HEXA: variants seen among roughly 807,000 people sequenced by gnomAD.
The protein encoded by HEXA is hexosaminidase subunit alpha.
Under a neutral mutation model 73.3 loss-of-function variants are expected in HEXA, and 54 were observed. That is an observed-to-expected ratio of 0.74 (90% CI 0.59 to 0.92). The LOEUF (loss-of-function observed/expected upper bound fraction) is 0.92. Ranked by LOEUF, HEXA falls within the 40% of genes least tolerant of loss-of-function variation. HEXA has a pLI of 0.00. For missense variants in HEXA, 649 were observed against 653.0 expected (o/e 0.99, Z 0.07); for synonymous variants, 230 against 246.9 (o/e 0.93, Z 0.64).
At chr15:72,366,373 A>G (rs953133407) in intron 1 of HEXA, among the ~76,000 whole-genome samples, 1 of 149,216 alleles carries the variant, frequency 6.7e-6, no homozygotes, top group Non-Finnish European at 1.5e-5. Context: ...CAGTGGCGCG[A>G]TCTCAGCTCA....
intron 1 of HEXA, among the ~76,000 whole-genome samples, chr15:72,363,652 C>G (rs1595808436): frequency 6.6e-6 from 1 of 152,196 alleles, no homozygotes; most frequent in African/African-American, 2.4e-5. Flanking sequence ...CCTCCACAGA[C>G]TATTAATACC....
chr15:72,346,547 A>G lies in HEXA; in HGVS notation c.1310T>C (p.Val437Ala), dbSNP rs1035014194. ...TTCACCTTCAAATGCCAGGGGTTCC[A>G]CTATGTAGAAATCCTTCCAGTCAGG... Reference protein sequence around the residue: ...YGPDWKDFYIVEPLAFEGTPE... With the variant: ...YGPDWKDFYIAEPLAFEGTPE... Residue 437 changes from valine to alanine, a missense_variant, in exon 11 of 14, where the codon GTG becomes GCG. By Grantham distance (64) the Val-to-Ala change is moderately conservative. Transcript: ENST00000268097. The G allele has an allele frequency of 1.9e-6, 3 of 1,613,994 alleles. No homozygotes were observed. The highest frequency in any genetic ancestry group is 2.5e-6 in the Non-Finnish European group (3 of 1,179,906).
At chr15:72,349,003 C>T in intron 8 of HEXA, 76 bp downstream of exon 8, 2 of 1,205,114 alleles carry the variant, frequency 1.7e-6, no homozygotes, top group Non-Finnish European at 2.5e-6. Flanking sequence ...CTGAGCTAAG[C>T]AGCCCCTCGG....
chr15:72,366,633 C>A (rs1402979410), intron 1 of HEXA, among the ~76,000 whole-genome samples: 1 of 151,852 alleles, frequency 6.6e-6, no homozygotes, highest in Non-Finnish European at 1.5e-5. Flanking sequence ...TACTTTGGAT[C>A]CTGTTGCCCA....
In HEXA at chr15:72,345,118, T is replaced by TC. The variant is rs528390276; in HGVS notation, c.1526+327dup. 1,347 of 364,074 alleles carry TC rather than the reference T, an allele frequency of 3.7e-3. 10 individuals carry two copies. The highest frequency in any genetic ancestry group is 0.026 in the African/African-American group (1,246 of 47,518). The allele number at this position is 364,074 out of a possible 1,614,324, so 22.6% of individuals were successfully genotyped here. A position where few individuals can be genotyped will look rare whatever the true frequency, so the allele number is the denominator to read the frequency against. ...ATACCAAAATCCAAGGATGCTCAAGTCCCTTATATAAAAATGACATAGTAT... is the reference window on the plus strand; with the variant it reads ...ATACCAAAATCCAAGGATGCTCAAGTCCCCTTATATAAAAATGACATAGTAT... On this transcript the variant is annotated intron_variant, in intron 13 of 13. Transcript: ENST00000268097.
At position 72,345,545 on chromosome 15, in the gene HEXA, C is replaced by G; in HGVS notation, c.1427G>C (p.Arg476Thr). ...NTNLVPRLWP[R>T]AGAVAERLWS... The stretch of plus-strand genomic sequence containing the variant: ...CAGCCTTTCGGCAACAGCCCCTGCT[C>G]TGGGCCTGGAGGAAAAGGGGCATGT... The change falls in exon 13 of 14, where the codon AGA becomes ACA. Residue 476 changes from arginine to threonine, a missense_variant. By Grantham distance (71) the Arg-to-Thr change is moderately conservative (BLOSUM62 -1). Transcript: ENST00000268097. 6.2e-7 allele frequency: 1 copy of G among 1,614,238 alleles called. No individual in the cohort carries two copies. The highest frequency in any genetic ancestry group is 8.5e-7 in the Non-Finnish European group (1 of 1,180,046).
At chr15:72,350,961 C>T (rs934856296) in intron 6 of HEXA, 172 bp downstream of exon 6, 10 of 667,574 alleles carry the variant, frequency 1.5e-5, no homozygotes, top group African/African-American at 7.2e-5. Flanking sequence ...GGCAAATTAT[C>T]GGCAAAGTTT....
chr15:72,355,244 G>T, intron 3 of HEXA: 1 of 381,024 alleles, frequency 2.6e-6, no homozygotes, highest in East Asian at 6.0e-5. Context: ...AAAGCTTCCT[G>T]GCTGGGCGCG....
At position 72,351,132 on chromosome 15, in the gene HEXA, C is replaced by T. The variant is rs387906311; in HGVS notation, c.672+1G>A. ...TTGGTCTGAGTGAAACGGGAACATA[C>T]CTTTCTCATGAGCTCTGGAAAAGTG... is the stretch of plus-strand genomic sequence containing the variant. On this transcript the variant is annotated splice_donor_variant, in intron 6 of 13. Transcript: ENST00000268097. LOFTEE classifies it high-confidence loss of function. 4.4e-6 allele frequency: 7 copies of T among 1,586,148 alleles called. No individual in the cohort carries two copies. The highest frequency in any genetic ancestry group is 5.2e-6 in the Non-Finnish European group (6 of 1,154,454).
At chr15:72,350,405 AAC>A in intron 7 of HEXA, 111 bp downstream of exon 7, 1 of 1,154,030 alleles carries the variant, frequency 8.7e-7, no homozygotes, top group African/African-American at 1.5e-5. Flanking sequence ...GTCGATGGAA[AAC>A]ATTCTTCTAA....
At chr15:72,355,998 G>A (rs541663556) in intron 2 of HEXA, 16 of 467,160 alleles carry the variant, frequency 3.4e-5, no homozygotes, top group East Asian at 1.3e-4. Flanking sequence ...AGTGCAGCAC[G>A]CGATGCTCCC....
chr15:72,353,418 C>T (rs1328804840), intron 4 of HEXA, among the ~76,000 whole-genome samples: 1 of 152,146 alleles, frequency 6.6e-6, no homozygotes, highest in East Asian at 1.9e-4. Flanking sequence ...CCTACAAATT[C>T]TGGATTTTCC....
chr15:72,341,632 C>T lies in HEXA; in HGVS notation c.*2445G>A, dbSNP rs1462235829. ...AGCACACAAGATGGCCTGTGTTCCG[C>T]TCAGGGGTGGGACTTTCAATTTACA... On this transcript the variant is annotated 3_prime_UTR_variant, in exon 14 of 14. Transcript: ENST00000268097. 6.6e-6 allele frequency: 1 copy of T among 152,208 alleles called. No homozygotes were observed. The highest frequency in any genetic ancestry group is 2.4e-5 in the African/African-American group (1 of 41,428). 9.4% of individuals were successfully genotyped at this position (152,208 alleles called of 1,614,324 possible).
chr15:72,364,128 G>T (rs1415495440), intron 1 of HEXA, among the ~76,000 whole-genome samples: 1 of 151,862 alleles, frequency 6.6e-6, no homozygotes, highest in East Asian at 1.9e-4. Context: ...AAATTAGCTG[G>T]GCGTGGTAGC....
At chr15:72,368,519 A>G (rs2088946653) in intron 1 of HEXA, among the ~76,000 whole-genome samples, 1 of 152,224 alleles carries the variant, frequency 6.6e-6, no homozygotes, top group African/African-American at 2.4e-5. Flanking sequence ...AGTGCCAGAC[A>G]ATAAATGCTA....
At chr15:72,345,265 T>C (rs2088594169) in intron 13 of HEXA, 181 bp downstream of exon 13, 2 of 1,192,002 alleles carry the variant, frequency 1.7e-6, no homozygotes, top group South Asian at 2.9e-5. Context: ...GTACCATTTT[T>C]TGTTGTATTT....
chr15:72,360,107 G>C (rs963748500), intron 1 of HEXA: 1 of 152,768 alleles, frequency 6.5e-6, no homozygotes, highest in South Asian at 2.1e-4. Context: ...TACTCCCAAC[G>C]ATCTGTCTCT....
chr15:72,356,454 C>T, intron 2 of HEXA, 71 bp downstream of exon 2: 1 of 1,561,712 alleles, frequency 6.4e-7, no homozygotes, highest in Non-Finnish European at 8.8e-7. Context: ...GCAGTTTAGG[C>T]CAGGCCATCC....
chr15:72,350,506 C>T lies in HEXA; in HGVS notation c.805+12G>A. 1.2e-6 allele frequency: 2 copies of T among 1,613,846 alleles called. No individual in the cohort carries two copies. Among genetic ancestry groups the T allele is most frequent in the Non-Finnish European group, 1.7e-6 (2 of 1,179,932 alleles). On this transcript the variant is annotated intron_variant, in intron 7 of 13. Coordinates refer to ENST00000268097, the MANE Select transcript of HEXA (RefSeq NM_000520.6). The stretch of plus-strand genomic sequence containing the variant: ...CAAGCAGAGTCCCTCTGGTCCCAGA[C>T]ATCATTCTTACCTGGTCCCCAGGAC...
Sources: allele counts gnomAD v4.1 joint callset (sites outside exome capture counted in the v4.1 genomes callset), GRCh38; gene constraint gnomAD v4.1.1; transcripts MANE v1.5; gene names NCBI Gene and HGNC (gene_info 2026-07-23, HGNC 2026-07-21).